The following SEC23A variants were observed in gnomAD, a reference collection of about 807,000 sequenced individuals.
SEC23A encodes protein transport protein Sec23A.
SEC23A carries 56 observed loss-of-function variants against 103.7 expected under a neutral mutation model. The observed-to-expected ratio is 0.54, with a 90% CI of 0.44 to 0.67. SEC23A has a LOEUF of 0.67. Ranked by LOEUF, SEC23A falls within the 30% of genes least tolerant of loss-of-function variation. The pLI, the probability that SEC23A is intolerant of heterozygous loss-of-function variation, is 0.00. For synonymous variants in SEC23A, 281 were observed against 293.0 expected, an observed-to-expected ratio of 0.96 and a Z score of 0.42; for missense variants, 784 against 936.4, an observed-to-expected ratio of 0.84 and a Z score of 2.12.
intron 7 of SEC23A, 77 bp downstream of exon 7, chr14:39,085,685 T>TACAC (rs202142857): frequency 0.013 from 12,520 of 953,684 alleles, 437 homozygotes; most frequent in African/African-American, 0.02. Context: ...CTTATAATTA[T>TACAC]ATATACACAC....
chr14:39,059,298 A>ACAAAAAAAAAC (rs1566491533), intron 13 of SEC23A, among the ~76,000 whole-genome samples: 30 of 123,328 alleles, frequency 2.4e-4, no homozygotes, highest in Non-Finnish European at 4.0e-4. Context: ...AAAAAAAAAA[A>ACAAAAAAAAAC]AAAAAAAAAA....
chr14:39,049,466 ACT>A (rs1167530065), intron 14 of SEC23A, among the ~76,000 whole-genome samples: 4 of 145,018 alleles, frequency 2.8e-5, no homozygotes, highest in Non-Finnish European at 6.1e-5. Context: ...GCAGAGCAAG[ACT>A]CTGTCTCCAA....
chr14:39,091,063 G>A, intron 5 of SEC23A: 1 of 409,842 alleles, frequency 2.4e-6, no homozygotes. Flanking sequence ...AGAACCTGAG[G>A]AGTATGATGA....
chr14:39,072,433 C>A (rs755883182), intron 9 of SEC23A, among the ~76,000 whole-genome samples: 28 of 152,096 alleles, frequency 1.8e-4, no homozygotes, highest in Non-Finnish European at 4.4e-5. Flanking sequence ...TAAAAAGATG[C>A]TCAACATCAT....
chr14:39,077,578 G>C (rs1202432618), intron 7 of SEC23A, among the ~76,000 whole-genome samples: 1 of 151,788 alleles, frequency 6.6e-6, no homozygotes, highest in East Asian at 1.9e-4. Flanking sequence ...CAAAGATAGA[G>C]AGAGAGAGAG....
chr14:39,033,161 A>C lies in SEC23A; in HGVS notation c.*78T>G, dbSNP rs1031938860. ...TATAGAGCAATATCTGTTGGTTTCC[A>C]CAGATAAATGGAAAAAGGAAAAAAT... On this transcript the variant is annotated 3_prime_UTR_variant, in exon 20 of 20. Transcript: ENST00000307712. The C allele has an allele frequency of 1.8e-6, 2 of 1,087,948 alleles. No individual in the cohort carries two copies. Among genetic ancestry groups the C allele is most frequent in the South Asian group, 2.5e-5 (2 of 79,746 alleles). 67.4% of individuals were successfully genotyped at this position (1,087,948 alleles called of 1,614,324 possible).
chr14:39,085,881 C>A lies in SEC23A; in HGVS notation c.709G>T (p.Asp237Tyr). 6.2e-7 allele frequency: 1 copy of A among 1,613,570 alleles called. No individual in the cohort carries two copies. Among genetic ancestry groups the A allele is most frequent in the Non-Finnish European group, 8.5e-7 (1 of 1,179,554 alleles). Reference sequence around the variant, plus strand: ...CCCAGAAGATCTGTGAGATTCATGTCTATTTTCTGTACTGGTTGTAAGAAT... The same window carrying A: ...CCCAGAAGATCTGTGAGATTCATGTATATTTTCTGTACTGGTTGTAAGAAT... ...NRFLQPVQKI[D>Y]MNLTDLLGEL... Residue 237 changes from aspartate (D) to tyrosine (Y), a missense_variant, in exon 7 of 20, where the codon GAC (aspartate) becomes TAC (tyrosine). Asp to Tyr is a radical substitution (Grantham distance 160). Transcript: ENST00000307712.
In SEC23A at chr14:39,067,286, C is replaced by T; in HGVS notation, c.1114G>A (p.Val372Ile). The change falls in exon 10 of 20, where the codon GTA becomes ATA. Residue 372 changes from valine to isoleucine, a missense_variant. Coordinates refer to ENST00000307712, the MANE Select transcript of SEC23A (RefSeq NM_006364.4). Reference protein sequence around the residue: ...CCPNLTGGYMVMGDSFNTSLF... With the variant: ...CCPNLTGGYMIMGDSFNTSLF... ...GAAGTATTGAAAGAATCACCCATTACCATGTATCCTCTGCATGGAAAGAAC... is the reference window on the plus strand; with the variant it reads ...GAAGTATTGAAAGAATCACCCATTATCATGTATCCTCTGCATGGAAAGAAC... The T allele has an allele frequency of 6.2e-7, 1 of 1,613,494 alleles. No homozygotes were observed. Among genetic ancestry groups the T allele is most frequent in the Non-Finnish European group, 8.5e-7 (1 of 1,179,758 alleles).
chr14:39,090,677 A>C (rs1887629724), intron 5 of SEC23A, among the ~76,000 whole-genome samples: 1 of 152,190 alleles, frequency 6.6e-6, no homozygotes, highest in Non-Finnish European at 1.5e-5. Context: ...GAGGAAGCCA[A>C]GACCACACTG....
rs1168205811 is a variant in SEC23A, at chr14:39,076,072, C to G, written c.850G>C (p.Ala284Pro). 1 of 1,612,600 alleles carries G rather than the reference C, an allele frequency of 6.2e-7. No individual in the cohort carries two copies. The highest frequency in any genetic ancestry group is 8.5e-7 in the Non-Finnish European group (1 of 1,179,396). The stretch of plus-strand genomic sequence containing the variant: ...CCACCAATGAACATCATGATACGAG[C>G]ACCAGTGTTGGGAAAAGTACACTAT... ...LLECTFPNTGARIMMFIGGPA... is the reference protein window; with the variant it reads ...LLECTFPNTGPRIMMFIGGPA... The change falls in exon 8 of 20, where the codon GCT becomes CCT. Residue 284 changes from alanine to proline, a missense_variant. Coordinates refer to ENST00000307712, the MANE Select transcript of SEC23A (RefSeq NM_006364.4).
chr14:39,062,993 C>CA (rs1886531356), intron 12 of SEC23A, among the ~76,000 whole-genome samples: 1 of 151,996 alleles, frequency 6.6e-6, no homozygotes, highest in South Asian at 2.1e-4. Flanking sequence ...CATCTAATTG[C>CA]AAAAATGTGT....
intron 19 of SEC23A, among the ~76,000 whole-genome samples, chr14:39,037,267 T>C (rs1329759873): frequency 6.6e-6 from 1 of 152,136 alleles, no homozygotes; most frequent in Non-Finnish European, 1.5e-5. Flanking sequence ...TGTGGCTCAA[T>C]AAGGCCTTCT....
chr14:39,051,262 T>C lies in SEC23A; in HGVS notation c.1660-2533A>G, dbSNP rs543015413. On this transcript the variant is annotated intron_variant, in intron 14 of 19. Coordinates refer to ENST00000307712, the MANE Select transcript of SEC23A (RefSeq NM_006364.4). Reference sequence around the variant, plus strand: ...AGACAGTGTGCATTACAGAGCCAAATTGGTGCTGGCACCATGTCTGTTTTG... The same window carrying C: ...AGACAGTGTGCATTACAGAGCCAAACTGGTGCTGGCACCATGTCTGTTTTG... Among the ~76,000 whole-genome samples the C allele has an allele frequency of 2.6e-3, 398 of 152,304 alleles. 2 individuals carry two copies. The highest frequency in any genetic ancestry group is 3.4e-3 in the Non-Finnish European group (228 of 68,026).
At chr14:39,037,769 A>G (rs895435603) in intron 19 of SEC23A, among the ~76,000 whole-genome samples, 1 of 152,226 alleles carries the variant, frequency 6.6e-6, no homozygotes, top group African/African-American at 2.4e-5. Context: ...CCAGGATTCA[A>G]TCAGAATTCA....
chr14:39,065,320 C>T (rs985477824), intron 10 of SEC23A, among the ~76,000 whole-genome samples: 4 of 152,044 alleles, frequency 2.6e-5, no homozygotes, highest in Admixed American at 2.6e-4. Context: ...TTCTATTTTT[C>T]CTCCCATAGA....
At position 39,070,433 on chromosome 14, in the gene SEC23A, G is replaced by A. The variant is rs76766978; in HGVS notation, c.1104-3137C>T. ...CCAAACAAAAGAAAACTACAGGCCAGTATCTCCTATGAAGACAGATGCAAA... is the reference window on the plus strand; with the variant it reads ...CCAAACAAAAGAAAACTACAGGCCAATATCTCCTATGAAGACAGATGCAAA... On this transcript the variant is annotated intron_variant, in intron 9 of 19. Transcript: ENST00000307712. 9.1e-3 allele frequency among the ~76,000 whole-genome samples: 1,379 copies of A among 152,238 alleles called. 26 individuals carry two copies. Among genetic ancestry groups the A allele is most frequent in the African/African-American group, 0.031 (1,286 of 41,534 alleles).
At chr14:39,099,583 A>G (rs1888014862) in intron 1 of SEC23A, among the ~76,000 whole-genome samples, 1 of 152,230 alleles carries the variant, frequency 6.6e-6, no homozygotes, top group East Asian at 1.9e-4. Context: ...AACAAAATGT[A>G]TTAACATTTA....
chr14:39,079,949 G>A (rs919601842), intron 7 of SEC23A, among the ~76,000 whole-genome samples: 1 of 152,102 alleles, frequency 6.6e-6, no homozygotes, highest in Non-Finnish European at 1.5e-5. Context: ...CACAAGGTAT[G>A]ATTATTACTT....
Position 39,086,941 on chromosome 14 carries a change from G to A in SEC23A, c.671C>T (p.Pro224Leu). The change falls in exon 6 of 20, where the codon CCT becomes CTT. Residue 224 changes from proline (P) to leucine (L), a missense_variant. Coordinates refer to ENST00000307712, the MANE Select transcript of SEC23A (RefSeq NM_006364.4). The stretch of plus-strand genomic sequence containing the variant: ...TCATATTTATTACCTGTTGGAAGGA[G>A]GTGGCTGCTGTACCTGAGGACCACG... ...ATRGPQVQQP[P>L]PSNRFLQPVQ... 2 of 1,588,490 alleles carry A rather than the reference G, an allele frequency of 1.3e-6. No homozygotes were observed.
Sources: gnomAD v4.1 joint callset for allele counts (sites outside exome capture counted in the v4.1 genomes callset) on GRCh38, gnomAD v4.1.1 for gene constraint, MANE v1.5 for transcripts, NCBI Gene and HGNC (gene_info 2026-07-23, HGNC 2026-07-21) for gene names.